The following CADPS2 variants were observed in gnomAD, a reference collection of about 807,000 sequenced individuals.
CADPS2 encodes calcium dependent secretion activator 2.
CADPS2 carries 93 observed loss-of-function variants against 172.5 expected under a neutral mutation model. The observed-to-expected ratio is 0.54, with a 90% CI of 0.46 to 0.64. The LOEUF is 0.64. CADPS2 is among the 30% of genes least tolerant of loss of function. CADPS2 has a pLI of 0.00. For missense variants in CADPS2, 1,420 were observed against 1,565.9 expected (o/e 0.91, Z 1.57); for synonymous variants, 546 against 555.2 (o/e 0.98, Z 0.23).
chr7:122,404,452 T>C (rs920948860), intron 20 of CADPS2, among the ~76,000 whole-genome samples: 9 of 152,194 alleles, frequency 5.9e-5, no homozygotes, highest in Non-Finnish European at 1.3e-4. Flanking sequence ...GCAATAAACA[T>C]ACGTGTGCAT....
intron 14 of CADPS2, among the ~76,000 whole-genome samples, chr7:122,467,166 C>CGTA (rs2055256363): frequency 6.6e-6 from 1 of 152,216 alleles, no homozygotes; most frequent in Non-Finnish European, 1.5e-5. Flanking sequence ...AGATCAGGTA[C>CGTA]ATTACCTAAG....
rs113847393 is a variant in CADPS2, at chr7:122,644,361, T to A, written c.787-15033A>T. ...ATCCTTTTTTTCACTACCTTCATTG[T>A]CCAGGTCAATCTCCAAATCTTCTTG... On this transcript the variant is annotated intron_variant, in intron 3 of 29. Coordinates refer to ENST00000449022, the MANE Select transcript of CADPS2 (RefSeq NM_017954.11). 3.0e-3 allele frequency among the ~76,000 whole-genome samples: 454 copies of A among 149,644 alleles called. 3 individuals carry two copies. The highest frequency in any genetic ancestry group is 0.01 in the African/African-American group (432 of 41,406).
intron 17 of CADPS2, among the ~76,000 whole-genome samples, chr7:122,431,177 A>G (rs2049862303): frequency 6.6e-6 from 1 of 152,244 alleles, no homozygotes; most frequent in South Asian, 2.1e-4. Flanking sequence ...CCAGCTTGCC[A>G]GTTTATGGAT....
intron 15 of CADPS2, among the ~76,000 whole-genome samples, chr7:122,451,151 G>A (rs910802638): frequency 6.6e-6 from 1 of 152,002 alleles, no homozygotes; most frequent in Admixed American, 6.6e-5. Context: ...GCAGTGGAAC[G>A]GATATTGTAG....
At chr7:122,695,044 T>C (rs1241567010) in intron 2 of CADPS2, among the ~76,000 whole-genome samples, 2 of 152,214 alleles carry the variant, frequency 1.3e-5, no homozygotes, top group Non-Finnish European at 2.9e-5. Flanking sequence ...TTTGAAAGGC[T>C]CACACTAGTG....
chr7:122,474,390 A>G lies in CADPS2; in HGVS notation c.1989T>C (p.Tyr663=). 1 of 1,613,438 alleles carries G rather than the reference A, an allele frequency of 6.2e-7. No homozygotes were observed. The highest frequency in any genetic ancestry group is 1.1e-5 in the South Asian group (1 of 91,064). The change falls in exon 13 of 30, where the codon TAT becomes TAC. Residue 663 remains tyrosine (Y), a synonymous_variant. Coordinates refer to ENST00000449022, the MANE Select transcript of CADPS2 (RefSeq NM_017954.11). The stretch of plus-strand genomic sequence containing the variant: ...ATAGACTTGTACTCACCAAGCAAGA[A>G]TAGGAATCATTCAGTCTGTGATCCA... ...QTLDHRLNDS[Y]SCLGWFSPGQ...
chr7:122,505,434 G>C (rs531648185), intron 9 of CADPS2, among the ~76,000 whole-genome samples: 41 of 152,238 alleles, frequency 2.7e-4, no homozygotes, highest in African/African-American at 8.2e-4. Flanking sequence ...CAAAAATCAA[G>C]AAGTCAAAAA....
At chr7:122,406,020 A>C (rs1319645430) in intron 20 of CADPS2, among the ~76,000 whole-genome samples, 1 of 152,224 alleles carries the variant, frequency 6.6e-6, no homozygotes, top group African/African-American at 2.4e-5. Flanking sequence ...GAGAGACGTG[A>C]ATCTGTCTAG....
At chr7:122,541,151 T>C (rs993804355) in intron 8 of CADPS2, among the ~76,000 whole-genome samples, 1 of 151,804 alleles carries the variant, frequency 6.6e-6, no homozygotes, top group Non-Finnish European at 1.5e-5. Flanking sequence ...GCAGCACTTT[T>C]AACTTTCATA....
At chr7:122,340,333 T>G (rs766901235) in intron 28 of CADPS2, among the ~76,000 whole-genome samples, 30 of 152,210 alleles carry the variant, frequency 2.0e-4, no homozygotes, top group Non-Finnish European at 3.4e-4. Flanking sequence ...TTAAACATTG[T>G]ACCCTGATGT....
chr7:122,373,165 C>G (rs970417585), intron 25 of CADPS2, among the ~76,000 whole-genome samples: 1 of 151,986 alleles, frequency 6.6e-6, no homozygotes, highest in Non-Finnish European at 1.5e-5. Context: ...TGTGAACAAA[C>G]TGTCTTATAG....
chr7:122,471,029 T>C (rs1298980009), intron 14 of CADPS2, among the ~76,000 whole-genome samples: 1 of 152,132 alleles, frequency 6.6e-6, no homozygotes, highest in African/African-American at 2.4e-5. Flanking sequence ...CAACACATCC[T>C]ACCCAGGCAC....
At chr7:122,858,303 A>G (rs796366192) in intron 1 of CADPS2, among the ~76,000 whole-genome samples, 6 of 152,302 alleles carry the variant, frequency 3.9e-5, no homozygotes, top group African/African-American at 1.4e-4. Context: ...TTTGTCCTGC[A>G]ATATACCCAC....
At chr7:122,654,880 C>A (rs71574712) in intron 3 of CADPS2, among the ~76,000 whole-genome samples, 6,150 of 152,282 alleles carry the variant, frequency 0.04, 195 homozygotes, top group Non-Finnish European at 0.049. Context: ...ATGCCATTAA[C>A]ACACTTGTGA....
chr7:122,552,327 G>T (rs1387900806), intron 8 of CADPS2, among the ~76,000 whole-genome samples: 3 of 152,096 alleles, frequency 2.0e-5, no homozygotes, highest in African/African-American at 4.8e-5. Flanking sequence ...GGAAATGCCT[G>T]TATCTCTTAG....
At chr7:122,528,303 A>G (rs2061449254) in intron 8 of CADPS2, among the ~76,000 whole-genome samples, 1 of 152,198 alleles carries the variant, frequency 6.6e-6, no homozygotes, top group African/African-American at 2.4e-5. Context: ...ATCTTTTTCT[A>G]AAATGAAGAA....
chr7:122,378,029 T>C (rs1272252355), intron 25 of CADPS2, among the ~76,000 whole-genome samples: 2 of 152,208 alleles, frequency 1.3e-5, no homozygotes, highest in South Asian at 2.1e-4. Flanking sequence ...GTCTTTTTCC[T>C]ATAAGATGCA....
At chr7:122,835,065 G>C (rs1281706824) in intron 1 of CADPS2, among the ~76,000 whole-genome samples, 3 of 152,164 alleles carry the variant, frequency 2.0e-5, no homozygotes. Context: ...TCACATGTTT[G>C]GGTACCCCTC....
chr7:122,796,502 G>T (rs1796404013), intron 1 of CADPS2, among the ~76,000 whole-genome samples: 1 of 152,020 alleles, frequency 6.6e-6, no homozygotes, highest in African/African-American at 2.4e-5. Flanking sequence ...GCATGGTGCT[G>T]GTATAAAAAC....
Sources: gnomAD v4.1 joint callset for allele counts (sites outside exome capture counted in the v4.1 genomes callset) on GRCh38, gnomAD v4.1.1 for gene constraint, MANE v1.5 for transcripts, NCBI Gene and HGNC (gene_info 2026-07-23, HGNC 2026-07-21) for gene names.